DSN1: variants seen among roughly 807,000 people sequenced by gnomAD.
DSN1 encodes the protein kinetochore-associated protein DSN1 homolog.
DSN1 carries 31 observed loss-of-function variants against 45.7 expected under a neutral mutation model. The observed-to-expected ratio is 0.68, with a 90% CI of 0.51 to 0.92. The LOEUF (loss-of-function observed/expected upper bound fraction) is 0.92, where lower values mean the gene tolerates loss of function less well. Among genes scored for constraint, DSN1 ranks in the 40% least tolerant of loss-of-function variants. The probability of loss-of-function intolerance (pLI) is 0.00; values close to 1 mark genes in which losing one functional copy is unlikely to be tolerated. For synonymous variants in DSN1, 134 were observed against 142.3 expected, an observed-to-expected ratio of 0.94 and a Z score of 0.41; for missense variants, 394 against 414.2, an observed-to-expected ratio of 0.95 and a Z score of 0.42.
chr20:36,763,431 A>AG (rs931311250), intron 5 of DSN1, among the ~76,000 whole-genome samples: 3 of 150,718 alleles, frequency 2.0e-5, no homozygotes, highest in African/African-American at 7.3e-5. Context: ...AAAAAAAAAA[A>AG]AAGAAGTCAG....
intron 4 of DSN1, 49 bp from the exon 5 acceptor site, chr20:36,766,890 C>T (rs1987370602): frequency 7.4e-7 from 1 of 1,353,678 alleles, no homozygotes. Flanking sequence ...ACTTCCAGGC[C>T]AGTCCTAAAT....
At chr20:36,761,162 G>A (rs1167108958) in intron 6 of DSN1, among the ~76,000 whole-genome samples, 1 of 152,044 alleles carries the variant, frequency 6.6e-6, no homozygotes, top group Non-Finnish European at 1.5e-5. Context: ...GCAAAGATGT[G>A]AATTATGTTT....
intron 5 of DSN1, among the ~76,000 whole-genome samples, chr20:36,766,035 A>G (rs1480584069): frequency 1.3e-5 from 2 of 151,022 alleles, no homozygotes; most frequent in East Asian, 3.9e-4. Flanking sequence ...TCTACTAAGT[A>G]TACAAAAAAT....
chr20:36,768,638 A>G (rs1987478843), intron 3 of DSN1, among the ~76,000 whole-genome samples: 1 of 152,186 alleles, frequency 6.6e-6, no homozygotes, highest in Non-Finnish European at 1.5e-5. Context: ...TGGCCTTCCA[A>G]AGTGCTGGGA....
intron 1 of DSN1, 125 bp from the exon 2 acceptor site, chr20:36,771,598 C>T: frequency 1.3e-6 from 1 of 756,430 alleles, no homozygotes; most frequent in East Asian, 2.7e-5. Context: ...TTATCCACCT[C>T]CCTGACAGAG....
intron 5 of DSN1, 96 bp from the exon 6 acceptor site, chr20:36,762,644 G>A (rs1228246216): frequency 4.5e-6 from 5 of 1,100,596 alleles, no homozygotes; most frequent in Non-Finnish European, 5.1e-6. Context: ...CTCAGCTCTA[G>A]GTACTGTTAC....
chr20:36,758,473 A>C, intron 7 of DSN1, 85 bp downstream of exon 7: 1 of 1,206,338 alleles, frequency 8.3e-7, no homozygotes, highest in Non-Finnish European at 1.2e-6. Flanking sequence ...CTCCAAATAC[A>C]ATGCTTACTA....
rs752230934 is a variant in DSN1, at chr20:36,767,959, A to T, written c.429+10T>A. ...AACACAAAAACATTTCCTAGTTATA[A>T]GAACCTTACCTGGAAACTGGAAAGC... On this transcript the variant is annotated intron_variant, in intron 4 of 10. Transcript: ENST00000373750. 1.2e-6 allele frequency: 2 copies of T among 1,613,820 alleles called. No individual in the cohort carries two copies. The highest frequency in any genetic ancestry group is 1.7e-6 in the Non-Finnish European group (2 of 1,179,808).
chr20:36,771,328 T>G, intron 2 of DSN1, 97 bp downstream of exon 2: 3 of 1,498,162 alleles, frequency 2.0e-6, no homozygotes, highest in Non-Finnish European at 2.8e-6. Flanking sequence ...ATAATGAGTA[T>G]GTGATTCCAA....
intron 4 of DSN1, among the ~76,000 whole-genome samples, chr20:36,767,495 G>A (rs1222523666): frequency 6.6e-6 from 1 of 152,214 alleles, no homozygotes; most frequent in Non-Finnish European, 1.5e-5. Context: ...GCTGGGCACG[G>A]TGGCTCACAC....
Position 36,752,834 on chromosome 20 carries a change from T to C in DSN1, c.1025A>G (p.Gln342Arg). The change falls in exon 11 of 11, where the codon CAG becomes CGG. Residue 342 changes from glutamine to arginine, a missense_variant. Physicochemically the swap from Gln to Arg is conservative, Grantham distance 43. Coordinates refer to ENST00000373750, the MANE Select transcript of DSN1 (RefSeq NM_001145315.2). ...PARKLLKLQL[Q>R]NPPAIHGSGS... ...AGATCCATGTATGGCAGGTGGGTTC[T>C]GTAGCTGAAGCTTCAACAGTTTTCG... is the stretch of plus-strand genomic sequence containing the variant. 6.2e-7 allele frequency: 1 copy of C among 1,614,244 alleles called. No homozygotes were observed. The highest frequency in any genetic ancestry group is 8.5e-7 in the Non-Finnish European group (1 of 1,180,040).
chr20:36,752,231 T>C lies in DSN1; in HGVS notation c.*557A>G, dbSNP rs1986417879. ...CACCACACCCAGCTAACTTTTTGTA[T>C]TTTTTGTAGACAGGGTTTCACCTTA... On this transcript the variant is annotated 3_prime_UTR_variant, in exon 11 of 11. Coordinates refer to ENST00000373750, the MANE Select transcript of DSN1 (RefSeq NM_001145315.2). 2 of 152,166 alleles carry C rather than the reference T, an allele frequency of 1.3e-5. No homozygotes were observed. The highest frequency in any genetic ancestry group is 1.3e-4 in the Admixed American group (2 of 15,268). The allele number at this position is 152,166 out of a possible 1,614,324, so 9.4% of individuals were successfully genotyped here.
At position 36,760,046 on chromosome 20, in the gene DSN1, C is replaced by A. The variant is rs531794370; in HGVS notation, c.591-1429G>T. 4.0e-5 allele frequency among the ~76,000 whole-genome samples: 6 copies of A among 151,874 alleles called. No homozygotes were observed. The South Asian group carries it at 8.3e-4, about 21-fold the overall frequency. On this transcript the variant is annotated intron_variant, in intron 6 of 10. Transcript: ENST00000373750. The stretch of plus-strand genomic sequence containing the variant: ...ATTACCTGAGGTCAGGAGTTGAAGA[C>A]CAGCCTGGCCAACATGGTGAAACCC...
intron 5 of DSN1, among the ~76,000 whole-genome samples, chr20:36,762,782 C>CG (rs1408541449): frequency 3.3e-5 from 5 of 151,986 alleles, no homozygotes; most frequent in African/African-American, 7.2e-5. Flanking sequence ...GACAGACTCT[C>CG]GCTCCGTCAC....
At chr20:36,760,614 G>T (rs1986924750) in intron 6 of DSN1, among the ~76,000 whole-genome samples, 1 of 152,210 alleles carries the variant, frequency 6.6e-6, no homozygotes, top group Non-Finnish European at 1.5e-5. Context: ...TAGGCCCGGT[G>T]TGGTGGTTCA....
At chr20:36,756,404 T>G (rs764345153) in intron 8 of DSN1, among the ~76,000 whole-genome samples, 1 of 152,192 alleles carries the variant, frequency 6.6e-6, no homozygotes, top group Non-Finnish European at 1.5e-5. Flanking sequence ...CCAGAAGGAC[T>G]ATACTTGGGA....
At position 36,770,899 on chromosome 20, in the gene DSN1, A is replaced by C. The variant is rs781142404; in HGVS notation, c.329T>G (p.Leu110Arg). Residue 110 changes from leucine (L) to arginine (R), a missense_variant, in exon 3 of 11, where the codon CTG becomes CGG. By Grantham distance (102) the Leu-to-Arg change is moderately radical. Transcript: ENST00000373750. ...TGTGATGCCCTGGTGAATGGGATGCAGCGACTTCCGCCGGTTCGTTTCTTT... is the reference window on the plus strand; with the variant it reads ...TGTGATGCCCTGGTGAATGGGATGCCGCGACTTCCGCCGGTTCGTTTCTTT... ...SMKETNRRKS[L>R]HPIHQGITEL... The C allele has an allele frequency of 6.2e-7, 1 of 1,612,718 alleles. No homozygotes were observed. Among genetic ancestry groups the C allele is most frequent in the East Asian group, 2.2e-5 (1 of 44,892 alleles).
rs544699875 is a variant in DSN1 at position 36,757,978 on chromosome 20, T to C, written c.725+109A>G. 3.9e-6 allele frequency: 4 copies of C among 1,032,644 alleles called. No individual in the cohort carries two copies. The South Asian group carries it at 4.2e-5, about 11-fold the overall frequency. 64.0% of individuals were successfully genotyped at this position (1,032,644 alleles called of 1,614,324 possible). On this transcript the variant is annotated intron_variant, in intron 8 of 10. Coordinates refer to ENST00000373750, the MANE Select transcript of DSN1 (RefSeq NM_001145315.2). ...ACACTACAGAATTTGATGAGCTTAT[T>C]GGCCCGTGAGAAAGGATTCATCTTT...
chr20:36,763,814 G>A (rs991029512), intron 5 of DSN1, among the ~76,000 whole-genome samples: 2 of 150,088 alleles, frequency 1.3e-5, no homozygotes, highest in East Asian at 2.0e-4. Context: ...TTGAACCTGG[G>A]AGGCGGAGGT....
Sources: allele counts gnomAD v4.1 joint callset (sites outside exome capture counted in the v4.1 genomes callset), GRCh38; gene constraint gnomAD v4.1.1; transcripts MANE v1.5; gene names NCBI Gene and HGNC (gene_info 2026-07-23, HGNC 2026-07-21).